The following COL4A4 variants were observed in gnomAD, a reference collection of about 807,000 sequenced individuals.
COL4A4 encodes the protein collagen type IV alpha 4 chain.
In COL4A4, 105 loss-of-function variants were observed where a neutral mutation model predicts 192.9. That is an observed-to-expected ratio of 0.54 (90% CI 0.46 to 0.64). COL4A4 has a LOEUF of 0.64. Among genes scored for constraint, COL4A4 ranks in the 30% least tolerant of loss-of-function variants. The pLI is 0.00. For synonymous variants in COL4A4, 762 were observed against 769.9 expected (o/e 0.99, Z 0.17); for missense variants, 1,967 against 2,169.3 (o/e 0.91, Z 1.85).
chr2:227,161,637 C>T (rs1433791517), intron 1 of COL4A4, among the ~76,000 whole-genome samples: 1 of 152,134 alleles, frequency 6.6e-6, no homozygotes, highest in South Asian at 2.1e-4. Context: ...TAAGCAACTT[C>T]TCAGAGTTTT....
the COL4A4 span, among the ~76,000 whole-genome samples, chr2:226,987,446 A>C: frequency 6.6e-6 from 1 of 152,348 alleles, no homozygotes; most frequent in South Asian, 2.1e-4. Flanking sequence ...AGCTGCCAAA[A>C]GTCATGAGCA....
At chr2:227,056,237 A>G in intron 29 of COL4A4, 122 bp from the exon 30 acceptor site, 2 of 828,446 alleles carry the variant, frequency 2.4e-6, no homozygotes, top group East Asian at 2.6e-5. Flanking sequence ...TTTGTTGGCT[A>G]AAATAACAGT....
chr2:227,117,374 A>T (rs2061544455), intron 7 of COL4A4, among the ~76,000 whole-genome samples: 11 of 152,236 alleles, frequency 7.2e-5, no homozygotes, highest in Admixed American at 7.2e-4. Context: ...ACCAGACTGC[A>T]CTTGAGTTTT....
At chr2:227,015,826 C>T (rs1460103578) in intron 44 of COL4A4, among the ~76,000 whole-genome samples, 3 of 152,164 alleles carry the variant, frequency 2.0e-5, no homozygotes, top group East Asian at 3.8e-4. Flanking sequence ...ATGTTAAGAA[C>T]AGTTTGCCAA....
chr2:227,101,664 G>A (rs2060529952), intron 16 of COL4A4, 107 bp from the exon 17 acceptor site: 1 of 1,187,820 alleles, frequency 8.4e-7, no homozygotes, highest in Non-Finnish European at 1.2e-6. Flanking sequence ...ACCATGCAAA[G>A]TCTTAACACT....
chr2:227,069,510 C>A (rs1196452430), intron 25 of COL4A4, among the ~76,000 whole-genome samples: 1 of 151,388 alleles, frequency 6.6e-6, no homozygotes, highest in Admixed American at 6.6e-5. Flanking sequence ...GGTACTGGTA[C>A]CAAAACAGAG....
chr2:227,039,775 A>G (rs1340761777), intron 37 of COL4A4, among the ~76,000 whole-genome samples: 2 of 152,240 alleles, frequency 1.3e-5, no homozygotes, highest in African/African-American at 4.8e-5. Context: ...GGCTGTAGAG[A>G]TGGTCAGAGA....
the COL4A4 span, among the ~76,000 whole-genome samples, chr2:226,980,640 T>C: frequency 2.6e-5 from 4 of 152,178 alleles, no homozygotes; most frequent in Admixed American, 6.5e-5. Flanking sequence ...TTCCTTATGG[T>C]CTTAAAACCA....
the COL4A4 span, among the ~76,000 whole-genome samples, chr2:226,971,314 G>A: frequency 6.6e-6 from 1 of 152,206 alleles, no homozygotes; most frequent in African/African-American, 2.4e-5. Context: ...TAACAAATAA[G>A]TGAAGTACAA....
At chr2:227,136,988 C>T (rs2062856289) in intron 4 of COL4A4, among the ~76,000 whole-genome samples, 1 of 152,178 alleles carries the variant, frequency 6.6e-6, no homozygotes, top group Non-Finnish European at 1.5e-5. Context: ...CTGTTACGCA[C>T]AAGTCACACT....
intron 22 of COL4A4, 142 bp downstream of exon 22, chr2:227,088,511 C>T: frequency 9.2e-7 from 1 of 1,091,918 alleles, no homozygotes; most frequent in Non-Finnish European, 1.4e-6. Flanking sequence ...TGAGGCCTCC[C>T]CACCCATACA....
chr2:227,073,443 T>C (rs756705719), intron 25 of COL4A4, among the ~76,000 whole-genome samples: 2 of 152,082 alleles, frequency 1.3e-5, no homozygotes, highest in African/African-American at 2.4e-5. Flanking sequence ...ATTGGGATAA[T>C]TGATAATGTG....
intron 3 of COL4A4, among the ~76,000 whole-genome samples, chr2:227,140,912 CA>C (rs1409282989): frequency 7.9e-5 from 12 of 151,672 alleles, no homozygotes; most frequent in African/African-American, 2.4e-4. Flanking sequence ...CACACACACA[CA>C]CACACACACC....
intron 25 of COL4A4, among the ~76,000 whole-genome samples, chr2:227,067,296 T>C (rs987149583): frequency 7.2e-5 from 11 of 152,042 alleles, no homozygotes; most frequent in Non-Finnish European, 1.5e-4. Flanking sequence ...CTGTCAACAT[T>C]AGACAGATCA....
At position 227,146,009 on chromosome 2, in the gene COL4A4, T is replaced by A. The variant is rs141569394; in HGVS notation, c.71+1404A>T. Among the ~76,000 whole-genome samples the A allele has an allele frequency of 6.6e-5, 10 of 152,372 alleles. No individual in the cohort carries two copies. The East Asian group carries it at 1.5e-3, about 24-fold the overall frequency. ...TGCTTGTTAAATGAGTTATTATCAC[T>A]GGACATTTTTAAATAGGATATGTTG... On this transcript the variant is annotated intron_variant, in intron 2 of 47. Coordinates refer to ENST00000396625, the MANE Select transcript of COL4A4 (RefSeq NM_000092.5).
In COL4A4 at chr2:227,030,514, C is replaced by T. The variant is rs780906076; in HGVS notation, c.3902G>A (p.Gly1301Asp). The T allele has an allele frequency of 6.2e-7, 1 of 1,614,102 alleles. No individual in the cohort carries two copies. The highest frequency in any genetic ancestry group is 8.5e-7 in the Non-Finnish European group (1 of 1,179,980). Reference protein sequence around the residue: ...PGDCGLPGPPGPPGPPGPPGY... With the variant: ...PGDCGLPGPPDPPGPPGPPGY... ...TGGAGGGCCTGGTGGGCCAGGGGGA[C>T]CTGGTGGCCCTGGTAGACCACAGTC... The change falls in exon 41 of 48, where the codon GGT becomes GAT. Residue 1301 changes from glycine (G) to aspartate (D), a missense_variant. Coordinates refer to ENST00000396625, the MANE Select transcript of COL4A4 (RefSeq NM_000092.5).
At chr2:227,103,447 G>A (rs1402036607) in intron 13 of COL4A4, among the ~76,000 whole-genome samples, 1 of 152,232 alleles carries the variant, frequency 6.6e-6, no homozygotes, top group Non-Finnish European at 1.5e-5. Context: ...ATTTGGGAAT[G>A]CAGCCATTGA....
At position 227,059,409 on chromosome 2, in the gene COL4A4, A is replaced by G. The variant is rs1976319114; in HGVS notation, c.2379T>C (p.Ala793=). The G allele has an allele frequency of 6.2e-7, 1 of 1,613,806 alleles. No homozygotes were observed. Among genetic ancestry groups the G allele is most frequent in the Admixed American group, 1.7e-5 (1 of 60,006 alleles). Reference sequence around the variant, plus strand: ...AGGACAGCAAAGCCCTCATACCTTCAGCCCCTGGACATCCCGGATCACCTC... The same window carrying G: ...AGGACAGCAAAGCCCTCATACCTTCGGCCCCTGGACATCCCGGATCACCTC... ...GPRGDPGCPG[A]EGPAGIPGFL... The change falls in exon 28 of 48, where the codon GCT becomes GCC. Residue 793 remains alanine, a synonymous_variant. Transcript: ENST00000396625.
intron 11 of COL4A4, 100 bp from the exon 12 acceptor site, chr2:227,108,722 G>C: frequency 6.6e-7 from 1 of 1,520,382 alleles, no homozygotes; most frequent in East Asian, 2.3e-5. Context: ...GCAGTTCATG[G>C]AATACTTTGG....
Sources: gnomAD v4.1 joint callset for allele counts (sites outside exome capture counted in the v4.1 genomes callset) on GRCh38, gnomAD v4.1.1 for gene constraint, MANE v1.5 for transcripts, NCBI Gene and HGNC (gene_info 2026-07-23, HGNC 2026-07-21) for gene names.